The following CADM2 variants were observed in gnomAD, a reference collection of about 807,000 sequenced individuals.
CADM2 encodes the protein immunoglobulin superfamily member 4D.
A neutral mutation model predicts 49.8 loss-of-function variants in CADM2; 12 were observed. The observed-to-expected ratio is 0.24, with a 90% CI of 0.15 to 0.39. The LOEUF (loss-of-function observed/expected upper bound fraction) is 0.39. Among genes scored for constraint, CADM2 ranks in the 10% least tolerant of loss-of-function variants. The pLI is 1.00. For missense variants in CADM2, 378 were observed against 492.3 expected (o/e 0.77, Z 2.20); for synonymous variants, 214 against 175.4 (o/e 1.22, Z -1.74).
At chr3:85,622,813 C>T (rs2064014501) in intron 1 of CADM2, among the ~76,000 whole-genome samples, 1 of 152,108 alleles carries the variant, frequency 6.6e-6, no homozygotes, top group Non-Finnish European at 1.5e-5. Flanking sequence ...ATGTAATAAA[C>T]AATGCCAAAT....
At chr3:85,356,857 G>A (rs1377267785) in intron 1 of CADM2, among the ~76,000 whole-genome samples, 1 of 152,040 alleles carries the variant, frequency 6.6e-6, no homozygotes, top group Admixed American at 6.6e-5. Context: ...AAAGTGATGG[G>A]AAATTTTTGA....
intron 1 of CADM2, among the ~76,000 whole-genome samples, chr3:85,506,350 A>T (rs1187580426): frequency 6.6e-5 from 10 of 152,176 alleles, no homozygotes; most frequent in African/African-American, 2.2e-4. Context: ...AACAAGTTTG[A>T]CCAGCCCCAG....
intron 1 of CADM2, among the ~76,000 whole-genome samples, chr3:85,650,760 A>G (rs1176435826): frequency 6.6e-6 from 1 of 151,724 alleles, no homozygotes; most frequent in Non-Finnish European, 1.5e-5. Flanking sequence ...AAATGATATG[A>G]TTACAGGTGA....
chr3:84,962,209 G>C (rs1206532713), intron 1 of CADM2, among the ~76,000 whole-genome samples: 1 of 151,216 alleles, frequency 6.6e-6, no homozygotes, highest in Admixed American at 6.6e-5. Flanking sequence ...GTCCATCCAT[G>C]TCTGTGGACT....
chr3:85,873,642 G>C (rs2108360596), intron 3 of CADM2, among the ~76,000 whole-genome samples: 1 of 151,756 alleles, frequency 6.6e-6, no homozygotes, highest in East Asian at 1.9e-4. Flanking sequence ...CTCCAGCCTG[G>C]GTGACAGAGT....
In CADM2 at chr3:85,428,794, C is replaced by A. The variant is rs533450494; in HGVS notation, c.62-297728C>A. Among the ~76,000 whole-genome samples, 8 of 150,972 alleles carry A rather than the reference C, an allele frequency of 5.3e-5. No homozygotes were observed. The South Asian group carries it at 1.7e-3, about 31-fold the overall frequency. On this transcript the variant is annotated intron_variant, in intron 1 of 9. Coordinates refer to ENST00000383699, the MANE Select transcript of CADM2 (RefSeq NM_001167675.2). ...TTACGTGTCAAGCTCCATCCATTAT[C>A]CATTTCGTCTTGCACCATGCAGTTT...
At position 86,070,347 on chromosome 3, in the gene CADM2, T is replaced by A. The variant is rs947639065; in HGVS notation, c.*3564T>A. The A allele has an allele frequency of 6.6e-6, 1 of 151,990 alleles. No homozygotes were observed. Among genetic ancestry groups the A allele is most frequent in the Non-Finnish European group, 1.5e-5 (1 of 67,890 alleles). 9.4% of individuals were successfully genotyped at this position (151,990 alleles called of 1,614,324 possible). On this transcript the variant is annotated 3_prime_UTR_variant, in exon 10 of 10. Coordinates refer to ENST00000383699, the MANE Select transcript of CADM2 (RefSeq NM_001167675.2). ...ATGTATAGCAGCTGTTTGACAGTGA[T>A]GGCTCTTCCATGTAACATAGCAGTT... is the stretch of plus-strand genomic sequence containing the variant.
chr3:85,350,037 T>C (rs544173443), intron 1 of CADM2, among the ~76,000 whole-genome samples: 1 of 152,318 alleles, frequency 6.6e-6, no homozygotes, highest in East Asian at 1.9e-4. Flanking sequence ...CTTGGCAAGG[T>C]ATTTCTGAAA....
intron 1 of CADM2, among the ~76,000 whole-genome samples, chr3:85,023,789 G>A (rs2107300986): frequency 6.6e-6 from 1 of 151,768 alleles, no homozygotes; most frequent in Admixed American, 6.6e-5. Context: ...TTAAAATTTA[G>A]TGTTCTGTGC....
intron 1 of CADM2, among the ~76,000 whole-genome samples, chr3:85,521,062 A>C (rs573426302): frequency 6.6e-6 from 1 of 152,248 alleles, no homozygotes; most frequent in East Asian, 1.9e-4. Context: ...TAAACTCATA[A>C]AATTATTCAG....
At chr3:85,585,907 G>A (rs996120742) in intron 1 of CADM2, among the ~76,000 whole-genome samples, 16 of 151,998 alleles carry the variant, frequency 1.1e-4, no homozygotes, top group Non-Finnish European at 1.5e-5. Context: ...TAATACAGGT[G>A]TGACAGCTCT....
At chr3:85,971,575 C>A (rs1726145289) in intron 8 of CADM2, among the ~76,000 whole-genome samples, 1 of 151,590 alleles carries the variant, frequency 6.6e-6, no homozygotes, top group African/African-American at 2.4e-5. Context: ...GTAATATTCT[C>A]TTACATTTTC....
chr3:85,575,339 C>G (rs1009331080), intron 1 of CADM2, among the ~76,000 whole-genome samples: 1 of 152,164 alleles, frequency 6.6e-6, no homozygotes, highest in Non-Finnish European at 1.5e-5. Context: ...ATCACAAGGT[C>G]AGGAGATCCA....
At chr3:85,502,301 C>G (rs1258257425) in intron 1 of CADM2, among the ~76,000 whole-genome samples, 1 of 151,966 alleles carries the variant, frequency 6.6e-6, no homozygotes, top group Non-Finnish European at 1.5e-5. Flanking sequence ...GATTTCAGGT[C>G]TTGCAAAGGA....
At chr3:85,495,081 C>T (rs943197051) in intron 1 of CADM2, among the ~76,000 whole-genome samples, 5 of 152,052 alleles carry the variant, frequency 3.3e-5, no homozygotes, top group South Asian at 4.1e-4. Flanking sequence ...TGGCACATTT[C>T]GCAATCAGGT....
chr3:85,673,079 T>C (rs2065789879), intron 1 of CADM2, among the ~76,000 whole-genome samples: 1 of 152,192 alleles, frequency 6.6e-6, no homozygotes, highest in Non-Finnish European at 1.5e-5. Flanking sequence ...CTATAAAGAA[T>C]GTCAGGTAAA....
At chr3:85,920,781 G>A (rs1229382266) in intron 6 of CADM2, among the ~76,000 whole-genome samples, 4 of 151,378 alleles carry the variant, frequency 2.6e-5, no homozygotes, top group Non-Finnish European at 5.9e-5. Flanking sequence ...TTAATAGTAC[G>A]TAACAATTTG....
chr3:85,210,056 C>T (rs547434938), intron 1 of CADM2, among the ~76,000 whole-genome samples: 18 of 152,214 alleles, frequency 1.2e-4, no homozygotes, highest in Middle Eastern at 6.8e-3. Context: ...AAGTCTAGCA[C>T]GGATAAATTG....
intron 7 of CADM2, among the ~76,000 whole-genome samples, chr3:85,951,420 T>C (rs1341290819): frequency 6.6e-6 from 1 of 151,152 alleles, no homozygotes; most frequent in African/African-American, 2.4e-5. Context: ...TCCTTCCATT[T>C]TCTCTGTACA....
Sources: allele counts gnomAD v4.1 joint callset (sites outside exome capture counted in the v4.1 genomes callset), GRCh38; gene constraint gnomAD v4.1.1; transcripts MANE v1.5; gene names NCBI Gene and HGNC (gene_info 2026-07-23, HGNC 2026-07-21).